COMMD10: variants seen among roughly 807,000 people sequenced by gnomAD.
The protein encoded by COMMD10 is COMM domain containing 10.
A neutral mutation model predicts 28.9 loss-of-function variants in COMMD10; 33 were observed. That is an observed-to-expected ratio of 1.14 (90% CI 0.87 to 1.53). The LOEUF (loss-of-function observed/expected upper bound fraction) is 1.53. Among genes scored for constraint, COMMD10 ranks in the 40% most tolerant of loss-of-function variants. The pLI is 0.00. For missense variants in COMMD10, 310 were observed against 233.4 expected (o/e 1.33, Z -2.14); for synonymous variants, 110 against 81.7 (o/e 1.35, Z -1.87).
intron 5 of COMMD10, among the ~76,000 whole-genome samples, chr5:116,261,938 T>G (rs1233044108): frequency 6.6e-6 from 1 of 151,790 alleles, no homozygotes; most frequent in Non-Finnish European, 1.5e-5. Flanking sequence ...GCACTTACTT[T>G]GTATCTTTGA....
At chr5:116,285,736 G>T (rs190964932) in intron 5 of COMMD10, among the ~76,000 whole-genome samples, 1 of 151,864 alleles carries the variant, frequency 6.6e-6, no homozygotes, top group South Asian at 2.1e-4. Context: ...ATACCATGGT[G>T]TATAAACCCT....
intron 5 of COMMD10, among the ~76,000 whole-genome samples, chr5:116,260,049 T>C (rs1561397185): frequency 6.6e-6 from 1 of 151,780 alleles, no homozygotes; most frequent in Non-Finnish European, 1.5e-5. Context: ...TGCACTATCA[T>C]TCTTTCTTCT....
intron 5 of COMMD10, among the ~76,000 whole-genome samples, chr5:116,246,329 CA>C (rs1176473613): frequency 1.3e-5 from 2 of 151,542 alleles, no homozygotes; most frequent in Admixed American, 6.6e-5. Flanking sequence ...TTAAAGAAAT[CA>C]GAAGTGACAC....
chr5:116,233,686 C>G (rs891532177), intron 5 of COMMD10, among the ~76,000 whole-genome samples: 1 of 151,982 alleles, frequency 6.6e-6, no homozygotes, highest in African/African-American at 2.4e-5. Flanking sequence ...GCAGAACATT[C>G]CAGGTAAAGA....
chr5:116,116,285 T>C (rs1283828491), intron 4 of COMMD10, among the ~76,000 whole-genome samples: 2 of 152,212 alleles, frequency 1.3e-5, no homozygotes, highest in African/African-American at 4.8e-5. Flanking sequence ...TTATAAATTG[T>C]TACTTTAAAA....
In COMMD10 at chr5:116,186,258, A is replaced by G. The variant is rs527330952; in HGVS notation, c.510+52080A>G. Among the ~76,000 whole-genome samples the G allele has an allele frequency of 2.1e-3, 319 of 152,202 alleles. 2 individuals carry two copies. The highest frequency in any genetic ancestry group is 4.9e-3 in the African/African-American group (203 of 41,540). On this transcript the variant is annotated intron_variant, in intron 5 of 6. Transcript: ENST00000274458. ...TTTTCATTGTCTTTAGCCCATTCCA[A>G]TACAGCTTCTGCTCCCATAACCCCA...
chr5:116,136,410 C>G (rs556002671), intron 5 of COMMD10, among the ~76,000 whole-genome samples: 13 of 152,274 alleles, frequency 8.5e-5, no homozygotes, highest in East Asian at 1.9e-4. Context: ...TTTTTCGTGA[C>G]TACCTAATGT....
chr5:116,235,444 G>C (rs1397441086), intron 5 of COMMD10, among the ~76,000 whole-genome samples: 2 of 152,020 alleles, frequency 1.3e-5, no homozygotes, highest in African/African-American at 4.8e-5. Context: ...TACAATCCTG[G>C]GTTAGATTTG....
At chr5:116,165,343 G>A (rs76796947) in intron 5 of COMMD10, among the ~76,000 whole-genome samples, 16,395 of 152,036 alleles carry the variant, frequency 0.11, 987 homozygotes, top group African/African-American at 0.15. Context: ...GAGTATTTTT[G>A]GTAATTGTAA....
intron 5 of COMMD10, among the ~76,000 whole-genome samples, chr5:116,179,558 C>T (rs1747876270): frequency 6.6e-6 from 1 of 151,940 alleles, no homozygotes; most frequent in African/African-American, 2.4e-5. Flanking sequence ...ATGGAAGGAA[C>T]AAGAAGGAAG....
At chr5:116,141,665 T>C (rs1353331989) in intron 5 of COMMD10, among the ~76,000 whole-genome samples, 1 of 151,854 alleles carries the variant, frequency 6.6e-6, no homozygotes, top group Non-Finnish European at 1.5e-5. Flanking sequence ...TTTGCTCTCC[T>C]AGCAATGGTA....
chr5:116,200,559 C>T (rs908132809), intron 5 of COMMD10, among the ~76,000 whole-genome samples: 6 of 151,830 alleles, frequency 4.0e-5, no homozygotes, highest in African/African-American at 1.5e-4. Flanking sequence ...ATCACACATA[C>T]GTTATACCTT....
At chr5:116,289,587 C>T (rs1420419136) in intron 5 of COMMD10, among the ~76,000 whole-genome samples, 1 of 151,824 alleles carries the variant, frequency 6.6e-6, no homozygotes, top group South Asian at 2.1e-4. Context: ...GAAACCAGTT[C>T]CTTGGGAATC....
chr5:116,241,954 T>C (rs1482471772), intron 5 of COMMD10, among the ~76,000 whole-genome samples: 2 of 152,134 alleles, frequency 1.3e-5, no homozygotes, highest in African/African-American at 2.4e-5. Flanking sequence ...ATTTAACCTC[T>C]CAGAGGATCC....
intron 5 of COMMD10, among the ~76,000 whole-genome samples, chr5:116,280,658 A>C (rs1446758907): frequency 1.3e-5 from 2 of 151,820 alleles, no homozygotes; most frequent in Non-Finnish European, 2.9e-5. Flanking sequence ...AAAATGACTA[A>C]CAGTTGTAAA....
intron 5 of COMMD10, among the ~76,000 whole-genome samples, chr5:116,194,065 A>G (rs1380047488): frequency 6.6e-6 from 1 of 152,182 alleles, no homozygotes. Flanking sequence ...CTCCTGAATG[A>G]GCATTGGGTC....
intron 5 of COMMD10, among the ~76,000 whole-genome samples, chr5:116,269,125 T>G (rs115454834): frequency 0.028 from 4,277 of 151,708 alleles, 273 homozygotes; most frequent in African/African-American, 0.098. Context: ...TAAAAATGCT[T>G]AAACAGAAAA....
chr5:116,266,358 TA>T (rs1750583959), intron 5 of COMMD10, among the ~76,000 whole-genome samples: 1 of 151,764 alleles, frequency 6.6e-6, no homozygotes, highest in Admixed American at 6.6e-5. Flanking sequence ...TCTTTTTAAC[TA>T]AAGGGGTATA....
chr5:116,280,372 G>C (rs1323983216), intron 5 of COMMD10, among the ~76,000 whole-genome samples: 1 of 151,824 alleles, frequency 6.6e-6, no homozygotes, highest in African/African-American at 2.4e-5. Context: ...AGCTGGTTGT[G>C]ACATCAATTA....
Sources: allele counts gnomAD v4.1 joint callset (sites outside exome capture counted in the v4.1 genomes callset), GRCh38; gene constraint gnomAD v4.1.1; transcripts MANE v1.5; gene names NCBI Gene and HGNC (gene_info 2026-07-23, HGNC 2026-07-21).